The following PMP22 variants were observed in gnomAD, a reference collection of about 807,000 sequenced individuals.
PMP22 encodes the protein Charcot-Marie-Tooth neuropathy 1A (greatly reduced nerve conduction velocity, hereditary motor sensory neuropathy Ia).
A neutral mutation model predicts 18.9 loss-of-function variants in PMP22; 2 were observed. The observed-to-expected ratio is 0.11, with a 90% CI of 0.04 to 0.33. The LOEUF is 0.33. Among genes scored for constraint, PMP22 ranks in the 10% least tolerant of loss-of-function variants. PMP22 has a pLI of 1.00. For synonymous variants in PMP22, 95 were observed against 89.2 expected, an observed-to-expected ratio of 1.07 and a Z score of -0.37; for missense variants, 169 against 202.2, an observed-to-expected ratio of 0.84 and a Z score of 1.00.
intron 1 of PMP22, among the ~76,000 whole-genome samples, chr17:15,262,193 A>G (rs1909398513): frequency 6.6e-6 from 1 of 152,104 alleles, no homozygotes. Flanking sequence ...CTATCCAGAC[A>G]CCAGCACCAT....
Position 15,239,395 on chromosome 17 carries a change from T to C in PMP22, c.319+76A>G, listed in dbSNP as rs780980827. On this transcript the variant is annotated intron_variant, in intron 4 of 4. Transcript: ENST00000312280. Reference sequence around the variant, plus strand: ...GAACATCAGTCATTCTGAGGCCACATCCTTCTACTAAACTAATCATTCCGC... The same window carrying C: ...GAACATCAGTCATTCTGAGGCCACACCCTTCTACTAAACTAATCATTCCGC... 2.0e-6 allele frequency: 3 copies of C among 1,516,150 alleles called. No individual in the cohort carries two copies. In the African/African-American group the frequency reaches 4.1e-5, roughly 21 times the overall value. The allele number at this position is 1,516,150 out of a possible 1,614,324, so 93.9% of individuals were successfully genotyped here. A position where few individuals can be genotyped will look rare whatever the true frequency, so the allele number is the denominator to read the frequency against.
At chr17:15,237,212 G>A (rs1906892461) in intron 4 of PMP22, among the ~76,000 whole-genome samples, 1 of 152,222 alleles carries the variant, frequency 6.6e-6, no homozygotes, top group African/African-American at 2.4e-5. Context: ...TAGGAGAAGA[G>A]TGTTTGGCTG....
intron 1 of PMP22, 114 bp from the exon 2 acceptor site, chr17:15,260,875 A>G (rs1909278416): frequency 1.4e-6 from 1 of 722,928 alleles, no homozygotes; most frequent in Admixed American, 2.5e-5. Context: ...CAGCGCCCGC[A>G]GCCCGACCGC....
At position 15,230,823 on chromosome 17, in the gene PMP22, T is replaced by G; in HGVS notation, c.*94A>C. The G allele has an allele frequency of 7.1e-7, 1 of 1,414,344 alleles. No homozygotes were observed. Among genetic ancestry groups the G allele is most frequent in the Non-Finnish European group, 9.9e-7 (1 of 1,006,840 alleles). 87.6% of individuals were successfully genotyped at this position (1,414,344 alleles called of 1,614,324 possible). A position where few individuals can be genotyped will look rare whatever the true frequency, so the allele number is the denominator to read the frequency against. On this transcript the variant is annotated 3_prime_UTR_variant, in exon 5 of 5. Coordinates refer to ENST00000312280, the MANE Select transcript of PMP22 (RefSeq NM_000304.4). ...GTTTGGTTTGGTTTGAGTTTGGGAT[T>G]TTGGGCTAGCTCTTTTTTCTTTGTC...
chr17:15,242,844 G>A (rs779313214), intron 3 of PMP22, among the ~76,000 whole-genome samples: 3 of 151,996 alleles, frequency 2.0e-5, no homozygotes, highest in African/African-American at 2.4e-5. Context: ...AATGATGTAG[G>A]CTCAACATAT....
chr17:15,250,698 A>G (rs1035960353), intron 3 of PMP22, among the ~76,000 whole-genome samples: 1 of 152,210 alleles, frequency 6.6e-6, no homozygotes, highest in African/African-American at 2.4e-5. Flanking sequence ...CCCTGTCATG[A>G]GACCTGTTTT....
intron 4 of PMP22, 74 bp downstream of exon 4, chr17:15,239,397 C>G (rs747762948): frequency 1.3e-6 from 2 of 1,527,980 alleles, no homozygotes; most frequent in Non-Finnish European, 1.8e-6. Context: ...AGGCCACATC[C>G]TTCTACTAAA....
intron 4 of PMP22, among the ~76,000 whole-genome samples, chr17:15,238,766 T>C (rs1052972382): frequency 2.0e-5 from 3 of 152,244 alleles, no homozygotes; most frequent in Admixed American, 6.5e-5. Flanking sequence ...TCTAGGACTC[T>C]GCACACTATG....
chr17:15,263,583 G>GCGCGCACACACACACA (rs71353722), intron 1 of PMP22, among the ~76,000 whole-genome samples: 6 of 149,942 alleles, frequency 4.0e-5, no homozygotes, highest in African/African-American at 1.5e-4. Flanking sequence ...GCACGCGCGC[G>GCGCGCACACACACACA]CACACACACA....
At chr17:15,254,787 G>A (rs1029749071) in intron 3 of PMP22, among the ~76,000 whole-genome samples, 17 of 152,048 alleles carry the variant, frequency 1.1e-4, no homozygotes, top group Non-Finnish European at 1.8e-4. Flanking sequence ...GAGAAAGCCC[G>A]TCTCTACTAA....
intron 3 of PMP22, among the ~76,000 whole-genome samples, chr17:15,257,722 T>C (rs1242003128): frequency 6.6e-6 from 1 of 152,202 alleles, no homozygotes; most frequent in Non-Finnish European, 1.5e-5. Flanking sequence ...TGGGATGGCT[T>C]TAATTCAATG....
intron 3 of PMP22, among the ~76,000 whole-genome samples, chr17:15,250,238 A>G (rs1298599672): frequency 6.6e-6 from 1 of 152,050 alleles, no homozygotes; most frequent in Non-Finnish European, 1.5e-5. Context: ...CTTAAGTGAC[A>G]ATATCTCCTG....
At chr17:15,239,776 C>T (rs1907157155) in intron 3 of PMP22, among the ~76,000 whole-genome samples, 165 bp from the exon 4 acceptor site, 1 of 152,168 alleles carries the variant, frequency 6.6e-6, no homozygotes, top group Non-Finnish European at 1.5e-5. Flanking sequence ...TTCACTTTTG[C>T]AATCTAAGAA....
intron 3 of PMP22, among the ~76,000 whole-genome samples, chr17:15,242,428 G>A (rs1028217874): frequency 2.0e-5 from 3 of 152,096 alleles, no homozygotes; most frequent in East Asian, 3.9e-4. Flanking sequence ...TATGTTGAAA[G>A]GATAAAAGTG....
At chr17:15,262,999 G>T (rs1317407266) in intron 1 of PMP22, among the ~76,000 whole-genome samples, 1 of 152,208 alleles carries the variant, frequency 6.6e-6, no homozygotes, top group Non-Finnish European at 1.5e-5. Context: ...TTGAGCGCTG[G>T]AAGAAGTCCC....
At position 15,263,122 on chromosome 17, in the gene PMP22, T is replaced by C. The variant is rs978461274; in HGVS notation, c.-35+2032A>G. Among the ~76,000 whole-genome samples, 8 of 152,324 alleles carry C rather than the reference T, an allele frequency of 5.3e-5. No individual in the cohort carries two copies. In the South Asian group the frequency reaches 6.2e-4, roughly 12 times the overall value. ...GCACCTACGAAGCATGCCAGCTTCC[T>C]AGGATTGGCGGGGATTGATCTAGCG... On this transcript the variant is annotated intron_variant, in intron 1 of 4. Coordinates refer to ENST00000312280, the MANE Select transcript of PMP22 (RefSeq NM_000304.4).
intron 3 of PMP22, among the ~76,000 whole-genome samples, chr17:15,252,104 A>C (rs1033885383): frequency 5.9e-5 from 9 of 152,096 alleles, no homozygotes; most frequent in African/African-American, 1.9e-4. Flanking sequence ...AGCCACGAAG[A>C]TTTTAAAATG....
At position 15,259,184 on chromosome 17, in the gene PMP22, C is replaced by T. The variant is rs377335295; in HGVS notation, c.88G>A (p.Val30Met). The T allele has an allele frequency of 2.7e-5, 43 of 1,611,490 alleles. No individual in the cohort carries two copies. Among genetic ancestry groups the T allele is most frequent in the Middle Eastern group, 1.6e-4 (1 of 6,062 alleles). ...FVSTIVSQWI[V>M]GNGHATDLWQ... ...AGATCAGTTGCGTGTCCATTGCCCA[C>T]GATCCATTGCTAGAGAGAATCAGAT... The change falls in exon 3 of 5, where the codon GTG becomes ATG. Residue 30 changes from valine to methionine, a missense_variant. Coordinates refer to ENST00000312280, the MANE Select transcript of PMP22 (RefSeq NM_000304.4).
At position 15,235,382 on chromosome 17, in the gene PMP22, A is replaced by G. The variant is rs927422412; in HGVS notation, c.319+4089T>C. The stretch of plus-strand genomic sequence containing the variant: ...ATGGAGCTTGATGCTGGGTGTAAGC[A>G]GTAAAATAAATCAAAACGTGCAAAT... On this transcript the variant is annotated intron_variant, in intron 4 of 4. Transcript: ENST00000312280. 3 of 706,820 alleles carry G rather than the reference A, an allele frequency of 4.2e-6. No homozygotes were observed. In the African/African-American group the frequency reaches 5.3e-5, roughly 12 times the overall value. The allele number at this position is 706,820 out of a possible 1,614,324, so 43.8% of individuals were successfully genotyped here.
Sources: gnomAD v4.1 joint callset for allele counts (sites outside exome capture counted in the v4.1 genomes callset) on GRCh38, gnomAD v4.1.1 for gene constraint, MANE v1.5 for transcripts, NCBI Gene and HGNC (gene_info 2026-07-23, HGNC 2026-07-21) for gene names.